RAB3B: variants seen among roughly 807,000 people sequenced by gnomAD.
RAB3B encodes ras-related protein Rab-3B.
A neutral mutation model predicts 20.5 loss-of-function variants in RAB3B; 11 were observed. That is an observed-to-expected ratio of 0.54 (90% CI 0.34 to 0.89). The LOEUF (loss-of-function observed/expected upper bound fraction) is 0.89, where lower values mean the gene tolerates loss of function less well. Among genes scored for constraint, RAB3B ranks in the 40% least tolerant of loss-of-function variants. RAB3B has a pLI of 0.02. For missense variants in RAB3B, 225 were observed against 280.9 expected, an observed-to-expected ratio of 0.80 and a Z score of 1.42; for synonymous variants, 99 against 106.3, an observed-to-expected ratio of 0.93 and a Z score of 0.42.
At chr1:51,972,670 GC>G (rs930396134) in intron 2 of RAB3B, among the ~76,000 whole-genome samples, 4 of 151,864 alleles carry the variant, frequency 2.6e-5, no homozygotes, top group Non-Finnish European at 4.4e-5. Context: ...TCTCCCCCAT[GC>G]CCATGCACCA....
At chr1:51,970,938 G>A (rs1418671726) in intron 2 of RAB3B, among the ~76,000 whole-genome samples, 1 of 149,606 alleles carries the variant, frequency 6.7e-6, no homozygotes, top group East Asian at 2.0e-4. Flanking sequence ...GTGAACCCAG[G>A]AGGCAGAACT....
Position 51,990,549 on chromosome 1 carries a change from T to C in RAB3B, c.-1+3A>G, listed in dbSNP as rs1685210551. 6.6e-6 allele frequency: 1 copy of C among 151,610 alleles called. No individual in the cohort carries two copies. Among genetic ancestry groups the C allele is most frequent in the African/African-American group, 2.4e-5 (1 of 41,324 alleles). 9.4% of individuals were successfully genotyped at this position (151,610 alleles called of 1,614,324 possible). Reference sequence around the variant, plus strand: ...GGCGGGCTGCCGGGGCCGCGCCCCTTACCGCGGACTCCGAGTGCGGGACGA... The same window carrying C: ...GGCGGGCTGCCGGGGCCGCGCCCCTCACCGCGGACTCCGAGTGCGGGACGA... On this transcript the variant is annotated splice_donor_region_variant and intron_variant, in intron 1 of 4. Coordinates refer to ENST00000371655, the MANE Select transcript of RAB3B (RefSeq NM_002867.4).
At chr1:51,976,132 A>G (rs1685005872) in intron 2 of RAB3B, among the ~76,000 whole-genome samples, 1 of 151,776 alleles carries the variant, frequency 6.6e-6, no homozygotes, top group Non-Finnish European at 1.5e-5. Context: ...ATGAATTATT[A>G]TTGTTGTTTG....
chr1:51,917,114 T>C lies in RAB3B; in HGVS notation c.*2813A>G, dbSNP rs1032847196. On this transcript the variant is annotated 3_prime_UTR_variant, in exon 5 of 5. Transcript: ENST00000371655. ...CAGCTAGAACCTCTTTGTACCTTTG[T>C]TTCCTCATCTTCAAATGAGGCTCAC... is the stretch of plus-strand genomic sequence containing the variant. The C allele has an allele frequency of 3.9e-5, 6 of 152,216 alleles. No individual in the cohort carries two copies. The highest frequency in any genetic ancestry group is 1.4e-4 in the African/African-American group (6 of 41,450). 9.4% of individuals were successfully genotyped at this position (152,216 alleles called of 1,614,324 possible). A position where few individuals can be genotyped will look rare whatever the true frequency, so the allele number is the denominator to read the frequency against.
intron 2 of RAB3B, among the ~76,000 whole-genome samples, chr1:51,943,024 T>C (rs1182600525): frequency 6.6e-6 from 1 of 152,102 alleles, no homozygotes; most frequent in Admixed American, 6.6e-5. Flanking sequence ...CATTCCCCCA[T>C]CTCTCCCTCT....
chr1:51,948,921 A>C (rs370107643), intron 2 of RAB3B, among the ~76,000 whole-genome samples: 1 of 152,228 alleles, frequency 6.6e-6, no homozygotes, highest in African/African-American at 2.4e-5. Context: ...AGAGTGTTCC[A>C]ATAAATATTT....
Position 51,919,518 on chromosome 1 carries a change from T to G in RAB3B, c.*409A>C, listed in dbSNP as rs1012838418. On this transcript the variant is annotated 3_prime_UTR_variant, in exon 5 of 5. Transcript: ENST00000371655. ...ACGTTGTGCTTTGAGAAGTTGTCTT[T>G]AACAGGATTAGCTATGCAGGCGAGC... 1 of 157,984 alleles carries G rather than the reference T, an allele frequency of 6.3e-6. No homozygotes were observed. The highest frequency in any genetic ancestry group is 2.4e-5 in the African/African-American group (1 of 41,672). The allele number at this position is 157,984 out of a possible 1,614,324, so 9.8% of individuals were successfully genotyped here.
intron 2 of RAB3B, among the ~76,000 whole-genome samples, chr1:51,941,134 AAAG>A: frequency 6.6e-6 from 1 of 152,246 alleles, no homozygotes; most frequent in Non-Finnish European, 1.5e-5. Context: ...GAACTTTTCT[AAAG>A]AAGAATTTTC....
chr1:51,936,087 G>T, intron 3 of RAB3B, among the ~76,000 whole-genome samples: 1 of 152,148 alleles, frequency 6.6e-6, no homozygotes, highest in East Asian at 1.9e-4. Flanking sequence ...TCACCATTAG[G>T]CAAAAGGGAG....
chr1:51,959,814 A>G (rs1385327391), intron 2 of RAB3B, among the ~76,000 whole-genome samples: 1 of 152,248 alleles, frequency 6.6e-6, no homozygotes, highest in Admixed American at 6.5e-5. Context: ...TAACAGGGAA[A>G]ACCAGGTGTC....
chr1:51,954,605 G>C (rs1488686236), intron 2 of RAB3B, among the ~76,000 whole-genome samples: 2 of 152,118 alleles, frequency 1.3e-5, no homozygotes, highest in Admixed American at 1.3e-4. Flanking sequence ...GTAGCTGGAG[G>C]ACAGAGTTCA....
chr1:51,908,865 C>T lies in RAB3B; in HGVS notation c.*11062G>A, dbSNP rs1683958396. On this transcript the variant is annotated 3_prime_UTR_variant, in exon 5 of 5. Transcript: ENST00000371655. Reference sequence around the variant, plus strand: ...CATCTGTACTGGAAATAATAAAACCCACATCACAGTGTTGTGTCAAAGATC... The same window carrying T: ...CATCTGTACTGGAAATAATAAAACCTACATCACAGTGTTGTGTCAAAGATC... 6.6e-6 allele frequency: 1 copy of T among 152,162 alleles called. No individual in the cohort carries two copies. The highest frequency in any genetic ancestry group is 1.5e-5 in the Non-Finnish European group (1 of 68,078). The allele number at this position is 152,162 out of a possible 1,614,324, so 9.4% of individuals were successfully genotyped here. A position where few individuals can be genotyped will look rare whatever the true frequency, so the allele number is the denominator to read the frequency against.
intron 2 of RAB3B, among the ~76,000 whole-genome samples, chr1:51,949,353 C>G (rs1312707555): frequency 1.3e-5 from 2 of 152,200 alleles, no homozygotes; most frequent in Admixed American, 1.3e-4. Flanking sequence ...AAATGTTTGC[C>G]ATTACACCGG....
intron 1 of RAB3B, among the ~76,000 whole-genome samples, chr1:51,983,734 C>A (rs943822401): frequency 6.7e-6 from 1 of 148,294 alleles, no homozygotes; most frequent in South Asian, 2.1e-4. Context: ...CCGAGGCAGG[C>A]GGATCATTTG....
intron 2 of RAB3B, among the ~76,000 whole-genome samples, chr1:51,952,246 C>T (rs140052192): frequency 1.4e-3 from 207 of 152,270 alleles, no homozygotes; most frequent in African/African-American, 4.7e-3. Flanking sequence ...ATACCCATTT[C>T]ACAGATGGGA....
In RAB3B at chr1:51,950,828, C is replaced by T. The variant is rs116700475; in HGVS notation, c.229-13416G>A. Among the ~76,000 whole-genome samples the T allele has an allele frequency of 6.1e-3, 924 of 152,260 alleles. 11 individuals carry two copies. The highest frequency in any genetic ancestry group is 0.021 in the African/African-American group (887 of 41,540). On this transcript the variant is annotated intron_variant, in intron 2 of 4. Transcript: ENST00000371655. The stretch of plus-strand genomic sequence containing the variant: ...TAGCTTTCCCCCATGCGCTACCCTC[C>T]GACCCACAGCTGCTCAGCTCCAAGT...
At chr1:51,957,875 G>C (rs1684728542) in intron 2 of RAB3B, among the ~76,000 whole-genome samples, 1 of 152,216 alleles carries the variant, frequency 6.6e-6, no homozygotes, top group African/African-American at 2.4e-5. Context: ...TTCCAAGCCA[G>C]CCTTTGGGCT....
At chr1:51,971,200 A>T (rs554938671) in intron 2 of RAB3B, among the ~76,000 whole-genome samples, 7 of 152,022 alleles carry the variant, frequency 4.6e-5, no homozygotes, top group African/African-American at 1.4e-4. Context: ...TTAACTAGTC[A>T]TAAAAATGAA....
intron 2 of RAB3B, among the ~76,000 whole-genome samples, chr1:51,942,178 C>A (rs1005936201): frequency 6.6e-6 from 1 of 152,216 alleles, no homozygotes; most frequent in African/African-American, 2.4e-5. Flanking sequence ...GAAGCCCAGG[C>A]AGGATTTCTG....
Sources: gnomAD v4.1 joint callset for allele counts (sites outside exome capture counted in the v4.1 genomes callset) on GRCh38, gnomAD v4.1.1 for gene constraint, MANE v1.5 for transcripts, NCBI Gene and HGNC (gene_info 2026-07-23, HGNC 2026-07-21) for gene names.